Variants in WDFY4 observed in about 807,000 individuals in gnomAD.
The protein encoded by WDFY4 is WD repeat- and FYVE domain-containing protein 4.
A neutral mutation model predicts 351.9 loss-of-function variants in WDFY4; 169 were observed. The observed-to-expected ratio is 0.48, with a 90% CI of 0.42 to 0.55. WDFY4 has a LOEUF of 0.55. WDFY4 is among the 20% of genes least tolerant of loss of function. The probability of loss-of-function intolerance (pLI) is 0.00; values close to 1 mark genes in which losing one functional copy is unlikely to be tolerated. For synonymous variants in WDFY4, 1,622 were observed against 1,574.6 expected (o/e 1.03, Z -0.71); for missense variants, 3,803 against 3,935.6 (o/e 0.97, Z 0.90).
chr10:48,885,730 C>A (rs115119937), intron 43 of WDFY4, among the ~76,000 whole-genome samples: 53,887 of 150,928 alleles, frequency 0.36, 9,953 homozygotes, highest in East Asian at 0.7. Context: ...CTCTCTCTCT[C>A]TCTCTATATA....
Position 48,941,834 on chromosome 10 carries a change from C to A in WDFY4, c.7615C>A (p.Leu2539Met). Residue 2539 changes from leucine to methionine, a missense_variant, in exon 48 of 62, where the codon CTG (leucine) becomes ATG (methionine). By Grantham distance (15) the Leu-to-Met change is conservative. Transcript: ENST00000325239. Reference protein sequence around the residue: ...RRYPGSDRIMLQKWQKRDISN... With the variant: ...RRYPGSDRIMMQKWQKRDISN... Reference sequence around the variant, plus strand: ...ATACCCCGGCTCTGACAGGATCATGCTGCAGAAGTGGCAGGTACAGTAGCT... The same window carrying A: ...ATACCCCGGCTCTGACAGGATCATGATGCAGAAGTGGCAGGTACAGTAGCT... 6.4e-7 allele frequency: 1 copy of A among 1,552,234 alleles called. No individual in the cohort carries two copies.
At chr10:48,732,039 G>A (rs1350638103) in intron 9 of WDFY4, among the ~76,000 whole-genome samples, 6 of 152,132 alleles carry the variant, frequency 3.9e-5, no homozygotes, top group African/African-American at 1.2e-4. Flanking sequence ...AAGTCTTGGT[G>A]CCCTGCTGGG....
intron 12 of WDFY4, among the ~76,000 whole-genome samples, chr10:48,750,745 T>C (rs569729290): frequency 4.6e-5 from 7 of 152,364 alleles, no homozygotes; most frequent in African/African-American, 1.7e-4. Flanking sequence ...GCCACTTAAG[T>C]CGTCTCTTCC....
At chr10:48,741,424 G>C (rs977490268) in intron 11 of WDFY4, among the ~76,000 whole-genome samples, 1 of 115,306 alleles carries the variant, frequency 8.7e-6, no homozygotes, top group Non-Finnish European at 1.6e-5. Context: ...CTACACTCCA[G>C]CCTGGGTGAC....
rs1290194261 is a variant in WDFY4 at position 48,963,996 on chromosome 10, C to T, written c.8378C>T (p.Pro2793Leu). Reference protein sequence around the residue: ...DRMDLSSITDPLIKSTILGFV... With the variant: ...DRMDLSSITDLLIKSTILGFV... ...ATGGACCTCAGCAGCATCACTGACC[C>T]CCTCATCAAAAGCACCATCCTGGGG... is the stretch of plus-strand genomic sequence containing the variant. The change falls in exon 54 of 62, where the codon CCC becomes CTC. Residue 2793 changes from proline to leucine, a missense_variant. This residue lies in a region of WDFY4 where 3,054 missense variants were observed against 3,148.6 expected (regional missense o/e 0.97). Transcript: ENST00000325239. 2 of 1,550,474 alleles carry T rather than the reference C, an allele frequency of 1.3e-6. No individual in the cohort carries two copies. The highest frequency in any genetic ancestry group is 1.4e-5 in the African/African-American group (1 of 73,108).
intron 39 of WDFY4, among the ~76,000 whole-genome samples, chr10:48,836,397 G>T (rs2068394726): frequency 6.6e-6 from 1 of 152,148 alleles, no homozygotes; most frequent in Non-Finnish European, 1.5e-5. Flanking sequence ...AGGCACAAGT[G>T]CATGAAATTG....
rs920233971 is a variant in WDFY4 at position 48,914,315 on chromosome 10, T to C, written c.7586+12452T>C. On this transcript the variant is annotated intron_variant, in intron 47 of 61. Coordinates refer to ENST00000325239, the MANE Select transcript of WDFY4 (RefSeq NM_001394531.1). ...CACGTCATGACGCTTTGCTCTTCAG[T>C]GGTTTAAAAAGCAAGAAAGAGGATT... 10 of 778,438 alleles carry C rather than the reference T, an allele frequency of 1.3e-5. No homozygotes were observed. The African/African-American group carries it at 1.6e-4, about 12-fold the overall frequency. The allele number at this position is 778,438 out of a possible 1,614,324, so 48.2% of individuals were successfully genotyped here. A position where few individuals can be genotyped will look rare whatever the true frequency, so the allele number is the denominator to read the frequency against.
intron 57 of WDFY4, among the ~76,000 whole-genome samples, chr10:48,973,191 C>T (rs1178008400): frequency 6.6e-5 from 10 of 152,172 alleles, no homozygotes. Flanking sequence ...ACCTGGGTTC[C>T]CTTCTCTGTT....
intron 43 of WDFY4, among the ~76,000 whole-genome samples, chr10:48,889,499 A>ATT (rs11439901): frequency 2.0e-5 from 3 of 151,918 alleles, no homozygotes; most frequent in East Asian, 1.9e-4. Context: ...AACCTCTTTT[A>ATT]TTTTTTTTCT....
intron 13 of WDFY4, among the ~76,000 whole-genome samples, chr10:48,761,511 G>C (rs17836431): frequency 6.6e-6 from 1 of 152,094 alleles, no homozygotes; most frequent in African/African-American, 2.4e-5. Context: ...TAAGAGACCT[G>C]TCCAGAGGCA....
intron 57 of WDFY4, among the ~76,000 whole-genome samples, chr10:48,972,277 C>T (rs1475532978): frequency 6.6e-6 from 1 of 152,076 alleles, no homozygotes; most frequent in African/African-American, 2.4e-5. Flanking sequence ...GCCTCACAGG[C>T]GGTTCAAAAA....
At chr10:48,723,671 C>T in intron 5 of WDFY4, 104 bp downstream of exon 5, 1 of 1,458,698 alleles carries the variant, frequency 6.9e-7, no homozygotes. Context: ...AGCCCTGGTT[C>T]CTGAACTCCT....
intron 1 of WDFY4, among the ~76,000 whole-genome samples, chr10:48,692,564 T>C (rs1387192435): frequency 1.3e-5 from 2 of 152,218 alleles, no homozygotes; most frequent in African/African-American, 4.8e-5. Context: ...AGACTTTGAA[T>C]TGAGGAAATA....
At chr10:48,756,262 CTT>C (rs2065333135) in intron 12 of WDFY4, among the ~76,000 whole-genome samples, 1 of 151,948 alleles carries the variant, frequency 6.6e-6, no homozygotes. Context: ...ATACCAGAGT[CTT>C]TTGTTGAACA....
intron 53 of WDFY4, 82 bp from the exon 54 acceptor site, chr10:48,963,760 A>T: frequency 7.3e-7 from 1 of 1,376,804 alleles, no homozygotes; most frequent in South Asian, 1.3e-5. Flanking sequence ...ACTCTGAAGC[A>T]TGTGCCCCTT....
At chr10:48,921,537 T>C (rs1265191599) in intron 47 of WDFY4, among the ~76,000 whole-genome samples, 1 of 152,160 alleles carries the variant, frequency 6.6e-6, no homozygotes, top group Non-Finnish European at 1.5e-5. Flanking sequence ...CTTCATGACT[T>C]TGAATCAGGC....
chr10:48,851,411 G>A (rs184429566), intron 39 of WDFY4, among the ~76,000 whole-genome samples: 5 of 152,318 alleles, frequency 3.3e-5, no homozygotes, highest in Admixed American at 6.5e-5. Context: ...TAAATTAATG[G>A]CAGTAAGAAA....
At chr10:48,906,938 A>T (rs937881305) in intron 47 of WDFY4, among the ~76,000 whole-genome samples, 3 of 148,310 alleles carry the variant, frequency 2.0e-5, no homozygotes, top group African/African-American at 7.4e-5. Flanking sequence ...GGCTTTTGCG[A>T]TTTTTTTTTT....
chr10:48,885,157 C>G (rs544080487), intron 43 of WDFY4, among the ~76,000 whole-genome samples: 4 of 152,120 alleles, frequency 2.6e-5, no homozygotes, highest in South Asian at 2.1e-4. Context: ...TTCTGGGTTG[C>G]TTAATAAAAT....
Sources: gnomAD v4.1 joint callset for allele counts (sites outside exome capture counted in the v4.1 genomes callset) on GRCh38, gnomAD v4.1.1 for gene constraint, gnomAD v4.1.1 regional missense constraint, MANE v1.5 for transcripts, NCBI Gene and HGNC (gene_info 2026-07-23, HGNC 2026-07-21) for gene names.